Variants in PRKX observed in about 807,000 individuals in gnomAD.
PRKX encodes cAMP-dependent protein kinase catalytic subunit PRKX.
A neutral mutation model predicts 22.0 loss-of-function variants in PRKX; 12 were observed. The observed-to-expected ratio is 0.54, with a 90% CI of 0.35 to 0.88. The LOEUF (loss-of-function observed/expected upper bound fraction) is 0.88. Ranked by LOEUF, PRKX falls within the 40% of genes least tolerant of loss-of-function variation. PRKX has a pLI of 0.01. For missense variants in PRKX, 217 were observed against 308.0 expected, an observed-to-expected ratio of 0.70 and a Z score of 2.21; for synonymous variants, 134 against 137.7, an observed-to-expected ratio of 0.97 and a Z score of 0.19.
chrX:3,689,932 G>A (rs745459963), intron 1 of PRKX, among the ~76,000 whole-genome samples: 145 of 110,936 alleles, frequency 1.3e-3, no homozygotes, highest in South Asian at 5.0e-3. Flanking sequence ...AGCCGAGATG[G>A]CACCACTGCA....
chrX:3,613,150 C>CAAAAAAAAAAAAAAAAAAAAAAAAAA (rs528688936), intron 7 of PRKX, among the ~76,000 whole-genome samples: 9 of 54,319 alleles, frequency 1.7e-4, no homozygotes, highest in Non-Finnish European at 2.6e-4. Flanking sequence ...GACTTCGTCT[C>CAAAAAAAAAAAAAAAAAAAAAAAAAA]AAAAAAAAAA....
chrX:3,673,730 C>T (rs1464211664), intron 2 of PRKX, among the ~76,000 whole-genome samples: 1 of 110,919 alleles, frequency 9.0e-6, no homozygotes, highest in African/African-American at 3.3e-5. Context: ...ATGGAATTAC[C>T]CTGCTGGAAT....
At chrX:3,623,385 G>A (rs1173905985) in intron 5 of PRKX, among the ~76,000 whole-genome samples, 4 of 109,933 alleles carry the variant, frequency 3.6e-5, no homozygotes, top group East Asian at 5.7e-4. Context: ...TAAGACCCTC[G>A]TTTCTACAAA....
intron 2 of PRKX, among the ~76,000 whole-genome samples, chrX:3,669,088 G>A (rs1927794983): frequency 8.9e-6 from 1 of 112,137 alleles, no homozygotes; most frequent in Admixed American, 9.4e-5. Context: ...TGCTGAGGTT[G>A]AGAAACTCTA....
rs1926128956 is a variant in PRKX at position 3,604,915 on chromosome X, G to GA, written c.*4053dup. ...CATGACAGAGCATCCCTGCTATTAG[G>GA]AAGGGACTGTTCTGCGGGGTGCAAG... is the stretch of plus-strand genomic sequence containing the variant. On this transcript the variant is annotated 3_prime_UTR_variant, in exon 9 of 9. Coordinates refer to ENST00000262848, the MANE Select transcript of PRKX (RefSeq NM_005044.5). 9.1e-6 allele frequency: 1 copy of GA among 109,856 alleles called. No homozygotes were observed. Among genetic ancestry groups the GA allele is most frequent in the African/African-American group, 3.3e-5 (1 of 30,101 alleles). The allele number at this position is 109,856 out of a possible 1,213,427, so 9.1% of individuals were successfully genotyped here. A position where few individuals can be genotyped will look rare whatever the true frequency, so the allele number is the denominator to read the frequency against.
chrX:3,616,971 T>C (rs1926432435), intron 6 of PRKX, among the ~76,000 whole-genome samples: 1 of 111,211 alleles, frequency 9.0e-6, no homozygotes, highest in Admixed American at 9.7e-5. Context: ...CTCACATGCA[T>C]ACATAGTAAT....
intron 6 of PRKX, among the ~76,000 whole-genome samples, chrX:3,619,012 C>T (rs1207462096): frequency 1.8e-5 from 2 of 112,351 alleles, no homozygotes; most frequent in African/African-American, 3.2e-5. Flanking sequence ...ATGTAAAGGA[C>T]AGAAGCTTGA....
intron 8 of PRKX, among the ~76,000 whole-genome samples, chrX:3,610,259 T>C (rs909164126): frequency 1.8e-5 from 2 of 111,573 alleles, no homozygotes; most frequent in African/African-American, 3.3e-5. Context: ...GGTGGGCAGA[T>C]TGCCTGAGTT....
intron 4 of PRKX, among the ~76,000 whole-genome samples, chrX:3,636,635 G>A (rs761684739): frequency 2.7e-5 from 3 of 112,451 alleles, no homozygotes; most frequent in Non-Finnish European, 5.6e-5. Context: ...CGAAGCAGGT[G>A]GATCACTTGA....
chrX:3,646,488 C>CT (rs1927190816), intron 3 of PRKX, among the ~76,000 whole-genome samples: 1 of 111,475 alleles, frequency 9.0e-6, no homozygotes, highest in African/African-American at 3.3e-5. Flanking sequence ...CTGATTACAG[C>CT]TTTTACACTT....
intron 1 of PRKX, among the ~76,000 whole-genome samples, chrX:3,687,928 A>G (rs1928210416): frequency 8.9e-6 from 1 of 111,892 alleles, no homozygotes; most frequent in Non-Finnish European, 1.9e-5. Context: ...CAAAAAAGGT[A>G]AAACCCCATC....
At chrX:3,643,294 C>T (rs1365476688) in intron 3 of PRKX, among the ~76,000 whole-genome samples, 4 of 111,673 alleles carry the variant, frequency 3.6e-5, no homozygotes, top group Middle Eastern at 4.6e-3. Context: ...TAAAAAATCA[C>T]TTTCTTTACA....
intron 1 of PRKX, among the ~76,000 whole-genome samples, chrX:3,682,547 A>T (rs190558550): frequency 2.3e-3 from 252 of 110,590 alleles, no homozygotes; most frequent in Middle Eastern, 9.2e-3. Context: ...AAAATGAAAT[A>T]AAAAAAAAGG....
intron 6 of PRKX, among the ~76,000 whole-genome samples, chrX:3,617,954 G>T (rs754965021): frequency 8.8e-4 from 94 of 107,083 alleles, no homozygotes; most frequent in African/African-American, 3.0e-3. Context: ...TGTTCTTTTT[G>T]GGGGGGCGGG....
At chrX:3,639,362 AAGGGG>A (rs1236058172) in intron 4 of PRKX, among the ~76,000 whole-genome samples, 1 of 17,880 alleles carries the variant, frequency 5.6e-5, no homozygotes, top group African/African-American at 3.6e-4. Context: ...TGGATGGATG[AAGGGG>A]TGGGGTGGTA....
intron 1 of PRKX, among the ~76,000 whole-genome samples, chrX:3,677,209 T>C (rs1284031591): frequency 3.6e-5 from 4 of 111,554 alleles, no homozygotes; most frequent in East Asian, 2.8e-4. Flanking sequence ...CTAGTTCATA[T>C]AGTTAACAAT....
intron 3 of PRKX, among the ~76,000 whole-genome samples, chrX:3,654,125 ATAGAG>A (rs1219655080): frequency 3.6e-4 from 32 of 88,952 alleles, no homozygotes; most frequent in African/African-American, 1.3e-3. Context: ...TATATACTAT[ATAGAG>A]TATAGTGATA....
intron 2 of PRKX, among the ~76,000 whole-genome samples, chrX:3,663,472 A>C (rs1404944712): frequency 1.1e-3 from 22 of 20,339 alleles, no homozygotes; most frequent in Non-Finnish European, 2.2e-3. Context: ...ACACACAAAA[A>C]AATTCAATTA....
chrX:3,638,402 C>G (rs369300183), intron 4 of PRKX, among the ~76,000 whole-genome samples: 1 of 111,468 alleles, frequency 9.0e-6, no homozygotes, highest in African/African-American at 3.3e-5. Flanking sequence ...TTGGGGCACA[C>G]GAACCTCACT....
Sources: gnomAD v4.1 joint callset for allele counts (sites outside exome capture counted in the v4.1 genomes callset) on GRCh38, gnomAD v4.1.1 for gene constraint, MANE v1.5 for transcripts, NCBI Gene and HGNC (gene_info 2026-07-23, HGNC 2026-07-21) for gene names.